The following HDAC9 variants were observed in gnomAD, a reference collection of about 807,000 sequenced individuals.
The protein encoded by HDAC9 is histone deacetylase 9.
In HDAC9, 41 loss-of-function variants were observed where a neutral mutation model predicts 139.4. That is an observed-to-expected ratio of 0.29 (90% CI 0.23 to 0.38). HDAC9 has a LOEUF of 0.38. Ranked by LOEUF, HDAC9 falls within the 10% of genes least tolerant of loss-of-function variation. The probability of loss-of-function intolerance (pLI) is 1.00; values close to 1 mark genes in which losing one functional copy is unlikely to be tolerated. For synonymous variants in HDAC9, 517 were observed against 476.2 expected, an observed-to-expected ratio of 1.09 and a Z score of -1.12; for missense variants, 1,147 against 1,297.0, an observed-to-expected ratio of 0.88 and a Z score of 1.78.
intron 2 of HDAC9, among the ~76,000 whole-genome samples, chr7:18,553,508 C>G (rs927771288): frequency 2.0e-5 from 3 of 152,134 alleles, no homozygotes; most frequent in Non-Finnish European, 4.4e-5. Context: ...CAATTAAGAA[C>G]AAACAGTACT....
At chr7:18,715,242 G>GTT (rs34409566) in intron 12 of HDAC9, among the ~76,000 whole-genome samples, 103 of 144,844 alleles carry the variant, frequency 7.1e-4, no homozygotes, top group South Asian at 3.9e-3. Flanking sequence ...AGGGGAAAGT[G>GTT]TTTTTTTTTT....
chr7:18,701,409 AAACAAAC>A (rs1783470528), intron 12 of HDAC9, among the ~76,000 whole-genome samples: 3 of 137,642 alleles, frequency 2.2e-5, no homozygotes, highest in Admixed American at 7.0e-5. Flanking sequence ...AAAAAAAACA[AAACAAAC>A]AAAAAAAAAA....
intron 1 of HDAC9, among the ~76,000 whole-genome samples, chr7:18,426,442 T>C (rs1315119089): frequency 6.6e-6 from 1 of 152,242 alleles, no homozygotes; most frequent in Non-Finnish European, 1.5e-5. Flanking sequence ...GCAGCTTTTA[T>C]CCAGGGATAG....
intron 19 of HDAC9, among the ~76,000 whole-genome samples, chr7:18,831,729 C>T (rs1795868974): frequency 6.6e-6 from 1 of 152,054 alleles, no homozygotes; most frequent in African/African-American, 2.4e-5. Flanking sequence ...GACATCCGTT[C>T]TCCCTGGCTG....
At chr7:18,678,940 T>G (rs1191906163) in intron 12 of HDAC9, among the ~76,000 whole-genome samples, 1 of 151,932 alleles carries the variant, frequency 6.6e-6, no homozygotes, top group African/African-American at 2.4e-5. Flanking sequence ...ACTTGGTTTC[T>G]CTCTTGCTCC....
At chr7:18,182,869 A>AACTC (rs1258668357) in intron 2 of HDAC9, among the ~76,000 whole-genome samples, 1 of 152,166 alleles carries the variant, frequency 6.6e-6, no homozygotes, top group East Asian at 1.9e-4. Flanking sequence ...CACAGTCAAA[A>AACTC]ACTTGGGTAG....
intron 25 of HDAC9, among the ~76,000 whole-genome samples, chr7:18,983,043 G>A (rs1785063228): frequency 6.6e-6 from 1 of 152,112 alleles, no homozygotes; most frequent in African/African-American, 2.4e-5. Flanking sequence ...TGTGCAACAG[G>A]TTTCTGGAAC....
intron 14 of HDAC9, among the ~76,000 whole-genome samples, chr7:18,750,269 G>T (rs1486495408): frequency 6.6e-6 from 1 of 152,058 alleles, no homozygotes; most frequent in East Asian, 1.9e-4. Context: ...TTTTCTTTAT[G>T]GATTTGTTTC....
intron 2 of HDAC9, among the ~76,000 whole-genome samples, chr7:18,260,757 C>G (rs921839625): frequency 1.3e-5 from 2 of 152,114 alleles, no homozygotes; most frequent in African/African-American, 4.8e-5. Flanking sequence ...AAATGAATAA[C>G]TAGGAGATAA....
chr7:18,853,886 T>C (rs1283212577), intron 21 of HDAC9, among the ~76,000 whole-genome samples: 1 of 152,152 alleles, frequency 6.6e-6, no homozygotes, highest in Non-Finnish European at 1.5e-5. Context: ...TGACAAACAT[T>C]AGACATAAGA....
At chr7:18,471,307 C>G (rs1399867925) in intron 1 of HDAC9, among the ~76,000 whole-genome samples, 1 of 152,204 alleles carries the variant, frequency 6.6e-6, no homozygotes, top group African/African-American at 2.4e-5. Context: ...AATGGCTGCA[C>G]TGTCCCTGTA....
At chr7:18,933,011 T>C (rs952801176) in intron 22 of HDAC9, among the ~76,000 whole-genome samples, 6 of 152,162 alleles carry the variant, frequency 3.9e-5, no homozygotes, top group African/African-American at 1.4e-4. Context: ...AAATAGGTCC[T>C]AGAAGGTAGT....
At chr7:18,113,045 T>C (rs916756009) in intron 1 of HDAC9, among the ~76,000 whole-genome samples, 1 of 152,074 alleles carries the variant, frequency 6.6e-6, no homozygotes, top group African/African-American at 2.4e-5. Context: ...AAATAAGATA[T>C]AGACTATTGT....
chr7:18,200,840 C>A (rs1257733851), intron 2 of HDAC9, among the ~76,000 whole-genome samples: 2 of 152,104 alleles, frequency 1.3e-5, no homozygotes, highest in Non-Finnish European at 2.9e-5. Context: ...TATTGCAGAT[C>A]AACAGCTTTT....
chr7:18,302,730 A>G lies in HDAC9; in HGVS notation c.-42+12215A>G, dbSNP rs541381191. 2.6e-5 allele frequency among the ~76,000 whole-genome samples: 4 copies of G among 152,314 alleles called. No homozygotes were observed. The South Asian group carries it at 8.3e-4, about 32-fold the overall frequency. Reference sequence around the variant, plus strand: ...TATGATGAAGTCATTCTGTAAAGCTAGAAACAAACCTTCTAGAAGGCATAG... The same window carrying G: ...TATGATGAAGTCATTCTGTAAAGCTGGAAACAAACCTTCTAGAAGGCATAG... On this transcript the variant is annotated intron_variant, in intron 1 of 3. Coordinates refer to the HDAC9 transcript ENST00000413509.
chr7:18,181,408 C>T (rs537844505), intron 2 of HDAC9, among the ~76,000 whole-genome samples: 1 of 152,246 alleles, frequency 6.6e-6, no homozygotes, highest in Admixed American at 6.5e-5. Context: ...GTAAAAGAGA[C>T]AATTTAGACT....
At chr7:18,571,878 T>TA (rs1414326245) in intron 2 of HDAC9, among the ~76,000 whole-genome samples, 1 of 152,198 alleles carries the variant, frequency 6.6e-6, no homozygotes, top group Non-Finnish European at 1.5e-5. Flanking sequence ...TTAAACATAT[T>TA]AAGCATTGAG....
At chr7:18,874,622 G>A (rs777678482) in intron 22 of HDAC9, 26 bp downstream of exon 22, 84 of 1,321,152 alleles carry the variant, frequency 6.4e-5, no homozygotes, top group Non-Finnish European at 8.5e-5. Context: ...AGGACTTTAC[G>A]AAAGGCTCTG....
At chr7:18,503,261 C>T (rs542232494) in intron 2 of HDAC9, among the ~76,000 whole-genome samples, 2 of 152,212 alleles carry the variant, frequency 1.3e-5, no homozygotes, top group African/African-American at 4.8e-5. Context: ...TATGTGGTGT[C>T]CTTCCTGTTG....
Sources: allele counts gnomAD v4.1 joint callset (sites outside exome capture counted in the v4.1 genomes callset), GRCh38; gene constraint gnomAD v4.1.1; transcripts MANE v1.5; gene names NCBI Gene and HGNC (gene_info 2026-07-23, HGNC 2026-07-21).